Variants in ERBB4 observed in about 807,000 individuals in gnomAD.
The protein encoded by ERBB4 is erb-b2 receptor tyrosine kinase 4, also known as receptor tyrosine-protein kinase erbB-4.
A neutral mutation model predicts 158.0 loss-of-function variants in ERBB4; 42 were observed. The observed-to-expected ratio is 0.27, with a 90% CI of 0.21 to 0.34. The LOEUF is 0.34. ERBB4 is among the 10% of genes least tolerant of loss of function. The pLI, the probability that ERBB4 is intolerant of heterozygous loss-of-function variation, is 1.00. For missense variants in ERBB4, 1,333 were observed against 1,624.1 expected (o/e 0.82, Z 3.08); for synonymous variants, 583 against 558.7 (o/e 1.04, Z -0.61).
At chr2:212,360,433 C>T (rs1446225417) in intron 1 of ERBB4, among the ~76,000 whole-genome samples, 1 of 151,756 alleles carries the variant, frequency 6.6e-6, no homozygotes, top group East Asian at 1.9e-4. Context: ...TTCCTGGAAG[C>T]TCCAAGTCTC....
At chr2:211,985,688 A>C (rs2125241087) in intron 2 of ERBB4, among the ~76,000 whole-genome samples, 1 of 151,980 alleles carries the variant, frequency 6.6e-6, no homozygotes, top group African/African-American at 2.4e-5. Context: ...AATTATTATA[A>C]AATAATTTAT....
At chr2:212,191,833 A>G (rs1244351225) in intron 1 of ERBB4, among the ~76,000 whole-genome samples, 1 of 135,128 alleles carries the variant, frequency 7.4e-6, no homozygotes, top group Non-Finnish European at 1.6e-5. Context: ...GTTCTATGTT[A>G]TATATAATAC....
intron 20 of ERBB4, among the ~76,000 whole-genome samples, chr2:211,451,485 A>G (rs1164352924): frequency 1.3e-5 from 2 of 152,202 alleles, no homozygotes; most frequent in Non-Finnish European, 2.9e-5. Flanking sequence ...AAGAAATATT[A>G]TATAAGGATT....
intron 1 of ERBB4, among the ~76,000 whole-genome samples, chr2:212,137,706 G>T (rs2080318594): frequency 6.6e-6 from 1 of 152,114 alleles, no homozygotes; most frequent in African/African-American, 2.4e-5. Flanking sequence ...GCGATTGCTG[G>T]ATTAAATGGT....
At chr2:212,331,056 T>TTTTATATATATATATATATATATA (rs1195085255) in intron 1 of ERBB4, among the ~76,000 whole-genome samples, 1 of 25,268 alleles carries the variant, frequency 4.0e-5, no homozygotes, top group African/African-American at 6.4e-5. Flanking sequence ...TATTTGTAAT[T>TTTTATATATATATATATATATATA]TGTATATATA....
chr2:212,225,699 G>A (rs1040652610), intron 1 of ERBB4, among the ~76,000 whole-genome samples: 3 of 151,230 alleles, frequency 2.0e-5, no homozygotes, highest in African/African-American at 4.8e-5. Context: ...TACAATAAAT[G>A]GGAACTTTAC....
At chr2:212,511,336 CAAATAGCTTCACCTAA>C (rs1361243140) in intron 1 of ERBB4, among the ~76,000 whole-genome samples, 1 of 152,114 alleles carries the variant, frequency 6.6e-6, no homozygotes, top group Non-Finnish European at 1.5e-5. Flanking sequence ...TTATGAGAAT[CAAATAGCTTCACCTAA>C]AATTCAAGTG....
chr2:212,053,775 G>C lies in ERBB4; in HGVS notation c.234+70977C>G, dbSNP rs140934427. 6.5e-3 allele frequency among the ~76,000 whole-genome samples: 996 copies of C among 152,138 alleles called. 7 individuals carry two copies. Among genetic ancestry groups the C allele is most frequent in the Admixed American group, 0.011 (165 of 15,276 alleles). ...CTGTTCCTTTACCTGGAAGACTCTG[G>C]TATCTTCTTTATCTGGCTAAATCTT... On this transcript the variant is annotated intron_variant, in intron 2 of 27. Coordinates refer to ENST00000342788, the MANE Select transcript of ERBB4 (RefSeq NM_005235.3).
intron 2 of ERBB4, among the ~76,000 whole-genome samples, chr2:212,069,474 A>G (rs2078045382): frequency 6.6e-6 from 1 of 152,046 alleles, no homozygotes; most frequent in African/African-American, 2.4e-5. Context: ...ATGATGAAAG[A>G]CTTAATGCTT....
intron 1 of ERBB4, among the ~76,000 whole-genome samples, chr2:212,227,450 T>G (rs1451997307): frequency 6.6e-6 from 1 of 152,110 alleles, no homozygotes; most frequent in Non-Finnish European, 1.5e-5. Flanking sequence ...GGTGTTAATC[T>G]TTCCTGAACA....
chr2:212,346,997 C>T lies in ERBB4; in HGVS notation c.82+191452G>A, dbSNP rs192074763. Among the ~76,000 whole-genome samples the T allele has an allele frequency of 1.1e-4, 17 of 152,158 alleles. No individual in the cohort carries two copies. In the East Asian group the frequency reaches 2.7e-3, roughly 24 times the overall value. The stretch of plus-strand genomic sequence containing the variant: ...ATGTGGTTTCTGATATATGAATTAG[C>T]TTGTCTTTGGAGTTGGCAGAACATG... On this transcript the variant is annotated intron_variant, in intron 1 of 27. Transcript: ENST00000342788.
At chr2:212,292,230 G>T (rs1312735659) in intron 1 of ERBB4, among the ~76,000 whole-genome samples, 1 of 151,858 alleles carries the variant, frequency 6.6e-6, no homozygotes, top group Non-Finnish European at 1.5e-5. Context: ...TGTTTTTAAA[G>T]TATAATTTTA....
rs768289370 is a variant in ERBB4 at position 211,413,305 on chromosome 2, T to TAAAAAAAAAAAAAA, written c.3135+7135_3135+7136insTTTTTTTTTTTTTT. 3.7e-3 allele frequency among the ~76,000 whole-genome samples: 208 copies of TAAAAAAAAAAAAAA among 56,894 alleles called. 7 individuals are homozygous for TAAAAAAAAAAAAAA. The highest frequency in any genetic ancestry group is 9.3e-3 in the Middle Eastern group (1 of 108). The allele number at this position is 56,894 out of a possible 152,430, so 37.3% of individuals were successfully genotyped here. A position where few individuals can be genotyped will look rare whatever the true frequency, so the allele number is the denominator to read the frequency against. ...TTGGGGACAGAGAGAGACCCTGTCT[T>TAAAAAAAAAAAAAA]AAAAACACACACACACACACACACA... is the stretch of plus-strand genomic sequence containing the variant. On this transcript the variant is annotated intron_variant, in intron 25 of 27. Transcript: ENST00000342788.
intron 2 of ERBB4, among the ~76,000 whole-genome samples, chr2:212,058,325 G>T (rs1483621564): frequency 6.6e-6 from 1 of 152,114 alleles, no homozygotes; most frequent in African/African-American, 2.4e-5. Context: ...AAAAGTCCAG[G>T]ACCAGACAGA....
At chr2:211,909,030 A>C (rs1559077472) in intron 3 of ERBB4, among the ~76,000 whole-genome samples, 1 of 151,770 alleles carries the variant, frequency 6.6e-6, no homozygotes, top group African/African-American at 2.4e-5. Flanking sequence ...ACTGATACAT[A>C]AAAGCTAATG....
rs548844742 is a variant in ERBB4, at chr2:211,639,092, T to A, written c.1947-8498A>T. ...GGTTTTTAAGAGGTCAGATGAAGTT[T>A]TGGTGCTTTTATTAATTCTTCCACA... On this transcript the variant is annotated intron_variant, in intron 16 of 27. Transcript: ENST00000342788. Among the ~76,000 whole-genome samples the A allele has an allele frequency of 2.6e-5, 4 of 152,266 alleles. No individual in the cohort carries two copies. In the East Asian group the frequency reaches 7.7e-4, roughly 29 times the overall value.
chr2:212,355,423 C>G (rs2089426890), intron 1 of ERBB4, among the ~76,000 whole-genome samples: 1 of 151,986 alleles, frequency 6.6e-6, no homozygotes, highest in Non-Finnish European at 1.5e-5. Flanking sequence ...ATAAAAGGGT[C>G]TTGATCTACA....
At chr2:212,262,005 A>G (rs997052164) in intron 1 of ERBB4, among the ~76,000 whole-genome samples, 2 of 152,152 alleles carry the variant, frequency 1.3e-5, no homozygotes, top group African/African-American at 4.8e-5. Context: ...TAAATCCAAC[A>G]AATACCAACA....
At chr2:212,526,782 C>G (rs7556832) in intron 1 of ERBB4, among the ~76,000 whole-genome samples, 86,926 of 151,786 alleles carry the variant, frequency 0.57, 26,015 homozygotes, top group African/African-American at 0.73. Context: ...TAAAAGAATA[C>G]TTTAGGTAGT....
Sources: gnomAD v4.1 joint callset for allele counts (sites outside exome capture counted in the v4.1 genomes callset) on GRCh38, gnomAD v4.1.1 for gene constraint, MANE v1.5 for transcripts, NCBI Gene and HGNC (gene_info 2026-07-23, HGNC 2026-07-21) for gene names.